Variants in CNTN4 observed in about 807,000 individuals in gnomAD.
The protein encoded by CNTN4 is contactin-4.
CNTN4 carries 77 observed loss-of-function variants against 122.5 expected under a neutral mutation model. The ratio of observed to expected loss-of-function variants is 0.63; its 90% confidence interval spans 0.52 to 0.76. The LOEUF is 0.76. Among genes scored for constraint, CNTN4 ranks in the 30% least tolerant of loss-of-function variants. The pLI is 0.00. For missense variants in CNTN4, 1,256 were observed against 1,259.1 expected, an observed-to-expected ratio of 1.00 and a Z score of 0.04; for synonymous variants, 512 against 447.0, an observed-to-expected ratio of 1.15 and a Z score of -1.83.
intron 12 of CNTN4, among the ~76,000 whole-genome samples, chr3:2,914,700 A>C (rs1484450370): frequency 6.6e-6 from 1 of 152,222 alleles, no homozygotes; most frequent in Non-Finnish European, 1.5e-5. Context: ...AATTCTACCA[A>C]ATACTTAAAG....
intron 4 of CNTN4, among the ~76,000 whole-genome samples, chr3:2,719,114 A>G (rs116507359): frequency 0.031 from 4,648 of 152,308 alleles, 104 homozygotes; most frequent in Non-Finnish European, 0.044. Context: ...GATATGTTCA[A>G]TGAAGGAAGG....
intron 3 of CNTN4, among the ~76,000 whole-genome samples, chr3:2,503,792 A>G (rs1212911348): frequency 6.6e-6 from 1 of 152,116 alleles, no homozygotes; most frequent in Non-Finnish European, 1.5e-5. Context: ...TTCAAGGCAA[A>G]CATAATCCTG....
chr3:2,220,748 A>AAGTACTCAATAAATGC (rs1196389165), intron 2 of CNTN4, among the ~76,000 whole-genome samples: 7 of 152,118 alleles, frequency 4.6e-5, no homozygotes, highest in Non-Finnish European at 8.8e-5. Context: ...AGCATATAGA[A>AAGTACTCAATAAATGC]AGTACTCAAT....
At chr3:2,146,190 T>G (rs758247407) in intron 2 of CNTN4, among the ~76,000 whole-genome samples, 9 of 148,110 alleles carry the variant, frequency 6.1e-5, no homozygotes, top group Non-Finnish European at 1.3e-4. Flanking sequence ...TATTGACTTT[T>G]ATTTACTGTA....
chr3:2,502,108 A>C (rs1372745865), intron 3 of CNTN4, among the ~76,000 whole-genome samples: 1 of 152,126 alleles, frequency 6.6e-6, no homozygotes, highest in East Asian at 1.9e-4. Context: ...AATTTGAAAC[A>C]CCTCTGGCCC....
chr3:2,244,914 A>G (rs957328816), intron 2 of CNTN4, among the ~76,000 whole-genome samples: 4 of 152,092 alleles, frequency 2.6e-5, no homozygotes, highest in Non-Finnish European at 4.4e-5. Flanking sequence ...GTGCTTATAT[A>G]ACATATAAAC....
intron 9 of CNTN4, among the ~76,000 whole-genome samples, chr3:2,884,606 A>G (rs77705236): frequency 2.6e-5 from 4 of 152,354 alleles, no homozygotes; most frequent in East Asian, 1.9e-4. Flanking sequence ...TAATATGATT[A>G]CACTTTTTAT....
At chr3:2,675,133 T>A (rs540476319) in intron 4 of CNTN4, among the ~76,000 whole-genome samples, 43 of 83,464 alleles carry the variant, frequency 5.2e-4, no homozygotes, top group Non-Finnish European at 8.7e-4. Flanking sequence ...TATATATGTA[T>A]TTTTTTTTTT....
At position 2,917,263 on chromosome 3, in the gene CNTN4, T is replaced by TTTGGC. The variant is rs1553692400; in HGVS notation, c.1208-8365_1208-8364insTGGCT. 7.1e-3 allele frequency among the ~76,000 whole-genome samples: 1,080 copies of TTTGGC among 151,724 alleles called. 9 individuals are homozygous for TTTGGC. The highest frequency in any genetic ancestry group is 0.023 in the African/African-American group (939 of 41,222). On this transcript the variant is annotated intron_variant, in intron 12 of 24. Coordinates refer to ENST00000418658, the MANE Select transcript of CNTN4 (RefSeq NM_175607.3). ...CGAGATGGCAGCAGCACAGTCCAGC[T>TTTGGC]TCGGCATCAGAGGGAGACCGTGGAA...
At chr3:2,299,018 C>CAA (rs4057757) in intron 2 of CNTN4, among the ~76,000 whole-genome samples, 1 of 152,092 alleles carries the variant, frequency 6.6e-6, no homozygotes, top group Non-Finnish European at 1.5e-5. Context: ...TTTCACCTGT[C>CAA]GGGGGGTTTT....
chr3:2,358,176 C>T (rs2044954691), intron 3 of CNTN4, among the ~76,000 whole-genome samples: 1 of 152,144 alleles, frequency 6.6e-6, no homozygotes, highest in Admixed American at 6.5e-5. Flanking sequence ...TACAATATTT[C>T]TATCTATTTA....
intron 3 of CNTN4, among the ~76,000 whole-genome samples, chr3:2,370,796 G>A (rs994403808): frequency 1.3e-5 from 2 of 152,084 alleles, no homozygotes; most frequent in Non-Finnish European, 2.9e-5. Flanking sequence ...CTATCAACCA[G>A]AAGGTGAATA....
At chr3:3,047,737 C>T (rs971008187) in intron 23 of CNTN4, among the ~76,000 whole-genome samples, 7 of 150,340 alleles carry the variant, frequency 4.7e-5, no homozygotes, top group Non-Finnish European at 8.9e-5. Context: ...CAAGAGCAAA[C>T]ACATTCAAAA....
At chr3:2,912,553 T>G (rs1476904426) in intron 12 of CNTN4, among the ~76,000 whole-genome samples, 1 of 152,140 alleles carries the variant, frequency 6.6e-6, no homozygotes, top group Non-Finnish European at 1.5e-5. Flanking sequence ...ATATTGTAGG[T>G]ACAAAAATCA....
intron 2 of CNTN4, among the ~76,000 whole-genome samples, chr3:2,150,248 G>C (rs1339124004): frequency 3.9e-5 from 6 of 152,016 alleles, no homozygotes; most frequent in Admixed American, 6.6e-5. Context: ...TTAGTTCATA[G>C]AACACTGTTA....
intron 7 of CNTN4, among the ~76,000 whole-genome samples, chr3:2,838,659 A>G (rs995531929): frequency 1.3e-5 from 2 of 151,950 alleles, no homozygotes; most frequent in Admixed American, 1.3e-4. Context: ...TTAATCACCC[A>G]GGAGCCCCAG....
intron 4 of CNTN4, among the ~76,000 whole-genome samples, chr3:2,667,619 G>A (rs574245205): frequency 1.3e-5 from 2 of 149,242 alleles, no homozygotes; most frequent in East Asian, 3.9e-4. Context: ...GTCAATTTTG[G>A]CTTTTGTTGC....
chr3:2,486,261 A>G (rs770528618), intron 3 of CNTN4, among the ~76,000 whole-genome samples: 1 of 151,576 alleles, frequency 6.6e-6, no homozygotes, highest in Non-Finnish European at 1.5e-5. Context: ...CAAACCCTGG[A>G]CACACCAGCT....
chr3:2,127,709 C>G (rs1460746446), intron 2 of CNTN4, among the ~76,000 whole-genome samples: 3 of 152,120 alleles, frequency 2.0e-5, no homozygotes, highest in African/African-American at 7.2e-5. Context: ...CTGCTCAGTA[C>G]CAAGAATTCT....
Sources: gnomAD v4.1 joint callset for allele counts (sites outside exome capture counted in the v4.1 genomes callset) on GRCh38, gnomAD v4.1.1 for gene constraint, MANE v1.5 for transcripts, NCBI Gene and HGNC (gene_info 2026-07-23, HGNC 2026-07-21) for gene names.